Variants in NCALD observed in about 807,000 individuals in gnomAD.
NCALD encodes neurocalcin-delta.
In NCALD, 10 loss-of-function variants were observed where a neutral mutation model predicts 18.6. That is an observed-to-expected ratio of 0.54 (90% CI 0.33 to 0.91). The LOEUF (loss-of-function observed/expected upper bound fraction) is 0.91. NCALD is among the 40% of genes least tolerant of loss of function. The pLI is 0.03. For synonymous variants in NCALD, 88 were observed against 87.4 expected, an observed-to-expected ratio of 1.01 and a Z score of -0.04; for missense variants, 184 against 247.6, an observed-to-expected ratio of 0.74 and a Z score of 1.72.
chr8:101,805,536 G>C (rs919996936), intron 4 of NCALD, among the ~76,000 whole-genome samples: 1 of 152,180 alleles, frequency 6.6e-6, no homozygotes, highest in African/African-American at 2.4e-5. Flanking sequence ...GCCAGGGAAG[G>C]CAATTTGAGA....
chr8:101,920,221 C>T (rs931605058), intron 2 of NCALD, among the ~76,000 whole-genome samples: 2 of 152,130 alleles, frequency 1.3e-5, no homozygotes, highest in Non-Finnish European at 2.9e-5. Flanking sequence ...TGTGCCACTG[C>T]ACTCCAGCCC....
chr8:101,758,217 C>G (rs1205511191), intron 1 of NCALD, among the ~76,000 whole-genome samples: 1 of 152,152 alleles, frequency 6.6e-6, no homozygotes, highest in East Asian at 1.9e-4. Context: ...TGGCCCCAGC[C>G]TGCCTTGCCT....
chr8:102,082,335 G>A (rs777962108), intron 1 of NCALD, among the ~76,000 whole-genome samples: 1 of 143,176 alleles, frequency 7.0e-6, no homozygotes, highest in African/African-American at 2.6e-5. Flanking sequence ...CCGGATTCAC[G>A]CCATTCTCCT....
At chr8:101,846,475 T>C (rs939739114) in intron 4 of NCALD, among the ~76,000 whole-genome samples, 10 of 152,314 alleles carry the variant, frequency 6.6e-5, no homozygotes, top group Admixed American at 5.2e-4. Flanking sequence ...GTTGGCCTGG[T>C]TCTACTTCCA....
intron 2 of NCALD, among the ~76,000 whole-genome samples, chr8:101,939,249 C>T (rs548194983): frequency 6.6e-6 from 1 of 152,336 alleles, no homozygotes; most frequent in East Asian, 1.9e-4. Context: ...GACCAATGGA[C>T]AGCACTTTAC....
chr8:101,759,554 G>A (rs890114308), intron 1 of NCALD, among the ~76,000 whole-genome samples: 4 of 152,114 alleles, frequency 2.6e-5, no homozygotes, highest in Admixed American at 2.6e-4. Flanking sequence ...GGTATCCCAG[G>A]GACCTGCCTG....
intron 2 of NCALD, among the ~76,000 whole-genome samples, chr8:101,932,866 T>C (rs1818627803): frequency 1.3e-5 from 2 of 152,216 alleles, no homozygotes; most frequent in African/African-American, 2.4e-5. Context: ...CAAGTATATA[T>C]AAATTATAGG....
At chr8:102,038,913 C>T (rs1187881292) in intron 1 of NCALD, among the ~76,000 whole-genome samples, 4 of 152,302 alleles carry the variant, frequency 2.6e-5, no homozygotes, top group Non-Finnish European at 4.4e-5. Flanking sequence ...GTCAGAGAGA[C>T]ACACACCTGC....
At chr8:102,095,446 A>G (rs549313619) in intron 1 of NCALD, among the ~76,000 whole-genome samples, 3 of 152,312 alleles carry the variant, frequency 2.0e-5, no homozygotes, top group East Asian at 3.9e-4. Flanking sequence ...AGGTAAACCA[A>G]CTTGGACCTG....
chr8:101,978,409 C>T (rs1820501635), intron 2 of NCALD, among the ~76,000 whole-genome samples: 1 of 152,216 alleles, frequency 6.6e-6, no homozygotes, highest in Non-Finnish European at 1.5e-5. Flanking sequence ...AAGTGCTTTA[C>T]ATAAATTGTA....
intron 1 of NCALD, among the ~76,000 whole-genome samples, chr8:101,726,248 T>C (rs1816568884): frequency 1.3e-5 from 2 of 152,282 alleles, no homozygotes; most frequent in South Asian, 2.1e-4. Flanking sequence ...GTAGGGTTTT[T>C]ATCAGAAATG....
chr8:101,942,575 A>G (rs2131760981), intron 2 of NCALD, among the ~76,000 whole-genome samples: 1 of 152,336 alleles, frequency 6.6e-6, no homozygotes, highest in South Asian at 2.1e-4. Flanking sequence ...CCCCAATTAC[A>G]TAGGAAGAGC....
chr8:102,034,015 TACACACAC>T lies in NCALD; in HGVS notation c.-209-13734_-209-13727del, dbSNP rs34381236. Reference sequence around the variant, plus strand: ...TTGCTCTCTCTCTCCTCCCTCTAAATACACACACACACACACACACACACACACACACG... The same window carrying T: ...TTGCTCTCTCTCTCCTCCCTCTAAATACACACACACACACACACACACACG... On this transcript the variant is annotated intron_variant, in intron 1 of 6. Transcript: ENST00000311028. Among the ~76,000 whole-genome samples the T allele has an allele frequency of 4.8e-3, 712 of 147,992 alleles. 8 individuals are homozygous for T. Among genetic ancestry groups the T allele is most frequent in the African/African-American group, 0.017 (676 of 40,198 alleles).
chr8:101,999,043 G>GA (rs1347589018), intron 2 of NCALD, among the ~76,000 whole-genome samples: 5 of 114,864 alleles, frequency 4.4e-5, no homozygotes, highest in African/African-American at 6.3e-5. Context: ...AAATGAGGGG[G>GA]AAAAAATCAT....
chr8:101,814,198 C>CA lies in NCALD; in HGVS notation c.-20+72942dup, dbSNP rs201346024. On this transcript the variant is annotated intron_variant, in intron 4 of 6. Coordinates refer to the NCALD transcript ENST00000311028. ...CCTAGTACCAAACCCAAAGACATAACAAAAAAACTATGAACTAATATCTTT... is the reference window on the plus strand; with the variant it reads ...CCTAGTACCAAACCCAAAGACATAACAAAAAAAACTATGAACTAATATCTTT... 5.7e-3 allele frequency among the ~76,000 whole-genome samples: 868 copies of CA among 151,900 alleles called. 10 individuals carry two copies. Among genetic ancestry groups the CA allele is most frequent in the African/African-American group, 0.018 (761 of 41,478 alleles).
chr8:102,043,823 G>C (rs145748559), intron 1 of NCALD, among the ~76,000 whole-genome samples: 1 of 151,684 alleles, frequency 6.6e-6, no homozygotes, highest in Non-Finnish European at 1.5e-5. Context: ...TCAGGCTGGC[G>C]TTAGGGGGCT....
At chr8:101,726,002 G>C (rs1816556405) in intron 1 of NCALD, among the ~76,000 whole-genome samples, 1 of 152,164 alleles carries the variant, frequency 6.6e-6, no homozygotes, top group African/African-American at 2.4e-5. Flanking sequence ...ACCAGAGGAA[G>C]TGAGGCAGGT....
At chr8:101,800,740 T>C (rs1812807436) in intron 4 of NCALD, among the ~76,000 whole-genome samples, 1 of 147,802 alleles carries the variant, frequency 6.8e-6, no homozygotes, top group Non-Finnish European at 1.5e-5. Context: ...TTACTATCAA[T>C]ACATAATACT....
intron 1 of NCALD, chr8:102,123,865 G>A (rs1406705338): frequency 3.3e-5 from 5 of 152,306 alleles, no homozygotes; most frequent in African/African-American, 1.2e-4. Context: ...GAGGTCCCCG[G>A]GCCGCCAGGC....
Sources: allele counts gnomAD v4.1 joint callset (sites outside exome capture counted in the v4.1 genomes callset), GRCh38; gene constraint gnomAD v4.1.1; transcripts MANE v1.5; gene names NCBI Gene and HGNC (gene_info 2026-07-23, HGNC 2026-07-21).